Variants in LRTM3 observed in about 807,000 individuals in gnomAD.
The protein encoded by LRTM3 is leucine rich repeat transmembrane protein 3.
the LRTM3 span, among the ~76,000 whole-genome samples, chr13:102,754,204 C>T: frequency 1.2e-5 from 1 of 80,228 alleles, no homozygotes; most frequent in Non-Finnish European, 2.5e-5. Context: ...GACTCCATCT[C>T]CAAAAAAAAA....
chr13:102,731,199 C>A, the LRTM3 span: 3 of 1,551,414 alleles, frequency 1.9e-6, no homozygotes, highest in Non-Finnish European at 2.6e-6. Context: ...GAAACATCAA[C>A]AATCAGTGTC....
the LRTM3 span, chr13:102,749,732 A>G: frequency 6.4e-7 from 1 of 1,551,392 alleles, no homozygotes; most frequent in Non-Finnish European, 8.7e-7. Context: ...GTTATGATTT[A>G]TATATTGGGC....
the LRTM3 span, chr13:102,741,784 T>C: frequency 1.3e-6 from 2 of 1,550,332 alleles, no homozygotes; most frequent in Non-Finnish European, 1.7e-6. Flanking sequence ...TGCCCACATC[T>C]TTTTCCTTTG....
At chr13:102,744,190 C>T in the LRTM3 span, 2 of 1,550,496 alleles carry the variant, frequency 1.3e-6, no homozygotes, top group South Asian at 2.4e-5. Flanking sequence ...TGATATTAAA[C>T]AACTGCAAAA....
chr13:102,738,068 C>A, the LRTM3 span: 3 of 1,550,442 alleles, frequency 1.9e-6, no homozygotes, highest in Non-Finnish European at 2.6e-6. Flanking sequence ...TTGCTCCTCA[C>A]CTTCTCTGTC....
the LRTM3 span, chr13:102,758,733 A>G: frequency 6.5e-7 from 1 of 1,550,108 alleles, no homozygotes; most frequent in South Asian, 1.2e-5. Flanking sequence ...CTTTTCAGGA[A>G]GTGTGGGCTT....
the LRTM3 span, chr13:102,736,385 T>C: frequency 6.4e-7 from 1 of 1,551,104 alleles, no homozygotes; most frequent in Non-Finnish European, 8.7e-7. Context: ...ACCATTGGGG[T>C]GCATCAGGCC....
At chr13:102,737,140 G>A in the LRTM3 span, 3 of 1,551,078 alleles carry the variant, frequency 1.9e-6, no homozygotes, top group Non-Finnish European at 2.6e-6. Context: ...CAAAAATTGT[G>A]CCTTCAGGTT....
At chr13:102,744,150 T>C in the LRTM3 span, 3 of 1,550,750 alleles carry the variant, frequency 1.9e-6, no homozygotes, top group Non-Finnish European at 2.6e-6. Flanking sequence ...TGTTGCTTTT[T>C]CTTTCTGTGG....
the LRTM3 span, chr13:102,740,045 T>G: frequency 6.5e-7 from 1 of 1,550,308 alleles, no homozygotes; most frequent in South Asian, 1.2e-5. Context: ...TTTACTTTCT[T>G]GCAAAATAGG....
chr13:102,731,981 T>C, the LRTM3 span: 1 of 1,551,340 alleles, frequency 6.4e-7, no homozygotes, highest in Non-Finnish European at 8.7e-7. Context: ...TGTTTGTGCC[T>C]TTAAGTATTT....
the LRTM3 span, among the ~76,000 whole-genome samples, chr13:102,754,796 G>C: frequency 6.6e-6 from 1 of 152,126 alleles, no homozygotes; most frequent in East Asian, 1.9e-4. Context: ...AAGAGTAACA[G>C]TTCTAGAGCC....
At chr13:102,730,037 G>A in the LRTM3 span, 239 of 1,551,432 alleles carry the variant, frequency 1.5e-4, 2 homozygotes, top group Admixed American at 2.6e-3. Flanking sequence ...CTGAATTTCC[G>A]CAGTATTTGA....
chr13:102,742,471 A>G, the LRTM3 span: 1 of 1,549,400 alleles, frequency 6.5e-7, no homozygotes, highest in Non-Finnish European at 8.7e-7. Context: ...TCCAGTCTGC[A>G]GTTTTAAATT....
the LRTM3 span, among the ~76,000 whole-genome samples, chr13:102,752,751 A>G: frequency 2.0e-5 from 3 of 152,214 alleles, no homozygotes; most frequent in Admixed American, 2.0e-4. Flanking sequence ...AGTACCTCAG[A>G]ATGTGACCAT....
the LRTM3 span, chr13:102,744,540 C>G: frequency 6.4e-7 from 1 of 1,550,496 alleles, no homozygotes. Flanking sequence ...GAAATAGGCT[C>G]TAAAACAGTT....
At chr13:102,733,611 C>T in the LRTM3 span, 109 of 1,551,286 alleles carry the variant, frequency 7.0e-5, no homozygotes, top group Middle Eastern at 1.7e-4. Context: ...GAAAGAAACG[C>T]AGTTAAAGTT....
chr13:102,758,740 G>A, the LRTM3 span: 8 of 1,550,470 alleles, frequency 5.2e-6, no homozygotes, highest in East Asian at 2.0e-4. Context: ...GGAAGTGTGG[G>A]CTTCTTCCAA....
At chr13:102,739,409 G>C in the LRTM3 span, 4 of 1,550,372 alleles carry the variant, frequency 2.6e-6, no homozygotes, top group Non-Finnish European at 1.7e-6. Flanking sequence ...TCTGGCATTT[G>C]ATGATGCCTG....
Sources: gnomAD v4.1 joint callset for allele counts (sites outside exome capture counted in the v4.1 genomes callset) on GRCh38, gnomAD v4.1.1 for gene constraint, MANE v1.5 for transcripts, NCBI Gene and HGNC (gene_info 2026-07-23, HGNC 2026-07-21) for gene names.